Variants in CSMD1 observed in about 807,000 individuals in gnomAD.
CSMD1 encodes CUB and Sushi multiple domains 1.
In CSMD1, 213 loss-of-function variants were observed where a neutral mutation model predicts 417.5. The ratio of observed to expected loss-of-function variants is 0.51; its 90% confidence interval spans 0.46 to 0.57. CSMD1 has a LOEUF of 0.57. Among genes scored for constraint, CSMD1 ranks in the 20% least tolerant of loss-of-function variants. The pLI is 0.00. For missense variants in CSMD1, 6,923 were observed against 4,529.7 expected, an observed-to-expected ratio of 1.53 and a Z score of -15.17; for synonymous variants, 2,862 against 1,736.8, an observed-to-expected ratio of 1.65 and a Z score of -16.11.
intron 3 of CSMD1, among the ~76,000 whole-genome samples, chr8:4,352,120 T>G (rs912490093): frequency 6.6e-5 from 10 of 152,122 alleles, no homozygotes; most frequent in African/African-American, 2.4e-4. Context: ...GAGAATGAGG[T>G]GGACTGGCCT....
At chr8:4,225,380 T>C (rs115998471) in intron 3 of CSMD1, among the ~76,000 whole-genome samples, 2,045 of 152,296 alleles carry the variant, frequency 0.013, 48 homozygotes, top group African/African-American at 0.047. Flanking sequence ...ATCGTGTTTC[T>C]CATGAATTTC....
intron 3 of CSMD1, among the ~76,000 whole-genome samples, chr8:4,035,568 T>A (rs1457046027): frequency 6.6e-6 from 1 of 152,072 alleles, no homozygotes; most frequent in Admixed American, 6.6e-5. Context: ...AGGCCTAGGC[T>A]AGGGTGTGTG....
intron 3 of CSMD1, among the ~76,000 whole-genome samples, chr8:4,300,863 C>A (rs907770769): frequency 6.6e-6 from 1 of 152,144 alleles, no homozygotes; most frequent in African/African-American, 2.4e-5. Context: ...AGGACATGAA[C>A]TCATCATTTT....
intron 1 of CSMD1, among the ~76,000 whole-genome samples, chr8:4,645,975 A>G (rs1033232826): frequency 2.4e-4 from 37 of 152,338 alleles, no homozygotes; most frequent in African/African-American, 8.9e-4. Flanking sequence ...TCCTCAGCCA[A>G]TCAAATCAAA....
intron 3 of CSMD1, among the ~76,000 whole-genome samples, chr8:4,162,765 C>T (rs560071141): frequency 6.6e-6 from 1 of 152,078 alleles, no homozygotes; most frequent in Non-Finnish European, 1.5e-5. Flanking sequence ...CATCCAAACC[C>T]CCAGTTTACA....
At chr8:4,922,399 T>C (rs893351241) in intron 1 of CSMD1, among the ~76,000 whole-genome samples, 8 of 152,218 alleles carry the variant, frequency 5.3e-5, no homozygotes, top group Admixed American at 2.0e-4. Context: ...AATCCTGTTT[T>C]ACTTGAGAAA....
chr8:4,220,989 C>G lies in CSMD1; in HGVS notation c.416-188890G>C, dbSNP rs372057002. Among the ~76,000 whole-genome samples, 19 of 152,308 alleles carry G rather than the reference C, an allele frequency of 1.2e-4. No homozygotes were observed. In the East Asian group the frequency reaches 1.9e-3, roughly 15 times the overall value. On this transcript the variant is annotated intron_variant, in intron 3 of 69. Transcript: ENST00000635120. ...CGCCCAGAGGAGCCCTTGGGGTGCT[C>G]TCCTCTGCCATGCCATGTGCCCGCA...
At chr8:4,857,897 C>T (rs575992290) in intron 1 of CSMD1, among the ~76,000 whole-genome samples, 1 of 151,372 alleles carries the variant, frequency 6.6e-6, no homozygotes, top group Non-Finnish European at 1.5e-5. Context: ...AGAGGGAATC[C>T]TCCCTAACTC....
At chr8:4,417,834 C>A (rs1316896141) in intron 3 of CSMD1, among the ~76,000 whole-genome samples, 2 of 151,926 alleles carry the variant, frequency 1.3e-5, no homozygotes, top group African/African-American at 2.4e-5. Context: ...TTATTTTATG[C>A]ACTCTTAATA....
At chr8:4,989,983 T>C (rs561632188) in intron 1 of CSMD1, among the ~76,000 whole-genome samples, 1 of 152,174 alleles carries the variant, frequency 6.6e-6, no homozygotes, top group Admixed American at 6.5e-5. Context: ...ACTGTGGTTG[T>C]GGCAGTCGTC....
chr8:3,423,650 G>A (rs977095509), intron 12 of CSMD1, among the ~76,000 whole-genome samples: 1 of 152,176 alleles, frequency 6.6e-6, no homozygotes, highest in African/African-American at 2.4e-5. Context: ...ATGGGCATTT[G>A]GGTTGTTTCC....
At chr8:3,928,815 C>T (rs913834559) in intron 5 of CSMD1, among the ~76,000 whole-genome samples, 8 of 135,710 alleles carry the variant, frequency 5.9e-5, no homozygotes, top group African/African-American at 1.1e-4. Context: ...GCATTCCCAG[C>T]GATTCCACCT....
chr8:4,637,491 C>A lies in CSMD1; in HGVS notation c.153G>T (p.Gly51=). The A allele has an allele frequency of 6.2e-7, 1 of 1,613,818 alleles. No individual in the cohort carries two copies. The highest frequency in any genetic ancestry group is 8.5e-7 in the Non-Finnish European group (1 of 1,179,856). The part of the protein sequence containing the change: ...GTIESPGFPH[G]YPNYANCTWI... ...AGGTGCAGTTGGCATAGTTCGGATA[C>A]CCGTGAGGAAACCCTGGGCTCTCAA... Residue 51 remains glycine (G), a synonymous_variant, in exon 2 of 70, where the codon GGG becomes GGT. Coordinates refer to ENST00000635120, the MANE Select transcript of CSMD1 (RefSeq NM_033225.6).
intron 3 of CSMD1, among the ~76,000 whole-genome samples, chr8:4,095,238 C>G (rs1270543631): frequency 6.6e-6 from 1 of 152,172 alleles, no homozygotes; most frequent in Non-Finnish European, 1.5e-5. Flanking sequence ...TCAGGCTGAT[C>G]TTTCATGTTC....
intron 3 of CSMD1, among the ~76,000 whole-genome samples, chr8:4,072,069 G>C (rs1245948045): frequency 2.0e-5 from 3 of 152,216 alleles, no homozygotes; most frequent in African/African-American, 7.2e-5. Context: ...TTTGCCACCA[G>C]CACTGACATG....
intron 10 of CSMD1, among the ~76,000 whole-genome samples, chr8:3,568,945 A>G (rs1295957877): frequency 6.6e-6 from 1 of 152,158 alleles, no homozygotes; most frequent in East Asian, 1.9e-4. Context: ...CTTAATTACT[A>G]TAACACATGT....
At chr8:3,938,554 G>A (rs896297632) in intron 5 of CSMD1, among the ~76,000 whole-genome samples, 1 of 152,270 alleles carries the variant, frequency 6.6e-6, no homozygotes, top group Non-Finnish European at 1.5e-5. Context: ...GAGGACCGAT[G>A]CTACCAATGC....
intron 24 of CSMD1, 55 bp downstream of exon 24, chr8:3,308,257 G>T: frequency 2.2e-6 from 3 of 1,391,076 alleles, no homozygotes; most frequent in East Asian, 2.3e-5. Flanking sequence ...GCAACATGGT[G>T]CAAGCACCCT....
chr8:3,928,778 C>T (rs1809931509), intron 5 of CSMD1, among the ~76,000 whole-genome samples: 2 of 133,572 alleles, frequency 1.5e-5, no homozygotes, highest in Admixed American at 1.5e-4. Context: ...ATCCCACCCA[C>T]CCCGCCCACC....
Sources: gnomAD v4.1 joint callset for allele counts (sites outside exome capture counted in the v4.1 genomes callset) on GRCh38, gnomAD v4.1.1 for gene constraint, MANE v1.5 for transcripts, NCBI Gene and HGNC (gene_info 2026-07-23, HGNC 2026-07-21) for gene names.